Variants in AKAP7 observed in about 807,000 individuals in gnomAD.
AKAP7 encodes the protein A-kinase anchoring protein 7, also known as A kinase (PRKA) anchor protein 7.
Under a neutral mutation model 39.5 loss-of-function variants are expected in AKAP7, and 39 were observed. That is an observed-to-expected ratio of 0.99 (90% CI 0.76 to 1.29). The LOEUF is 1.29. AKAP7 is among the 50% of genes most tolerant of loss of function. The pLI is 0.00. For synonymous variants in AKAP7, 140 were observed against 139.1 expected (o/e 1.01, Z -0.05); for missense variants, 414 against 407.7 (o/e 1.02, Z -0.13).
At chr6:131,142,223 T>C (rs1801102873) in intron 1 of AKAP7, among the ~76,000 whole-genome samples, 1 of 152,174 alleles carries the variant, frequency 6.6e-6, no homozygotes, top group South Asian at 2.1e-4. Flanking sequence ...CAATTCCTAA[T>C]AGCCAAGACA....
chr6:131,158,325 A>G (rs1170788498), intron 2 of AKAP7, among the ~76,000 whole-genome samples: 2 of 152,132 alleles, frequency 1.3e-5, no homozygotes, highest in South Asian at 2.1e-4. Context: ...TCTTTTCACA[A>G]TCCTTCTTAA....
At chr6:131,228,147 C>T (rs1188743525) in intron 7 of AKAP7, among the ~76,000 whole-genome samples, 2 of 152,108 alleles carry the variant, frequency 1.3e-5, no homozygotes, top group African/African-American at 2.4e-5. Context: ...GCATGGGGAT[C>T]TCCTTTATGG....
At chr6:131,152,429 G>T (rs1182454568) in intron 2 of AKAP7, among the ~76,000 whole-genome samples, 1 of 152,200 alleles carries the variant, frequency 6.6e-6, no homozygotes, top group Non-Finnish European at 1.5e-5. Flanking sequence ...TTCAAAGTGA[G>T]AAATAAAATG....
rs953113771 is a variant in AKAP7 at position 131,257,037 on chromosome 6, C to G, written c.851-24493C>G. ...AATGGCTCAGTTTGCACTTTTGGTT[C>G]TGACATTTACCGTTTAACTTCTCTA... is the stretch of plus-strand genomic sequence containing the variant. On this transcript the variant is annotated intron_variant, in intron 7 of 7. Transcript: ENST00000431975. Among the ~76,000 whole-genome samples the G allele has an allele frequency of 5.3e-5, 8 of 152,196 alleles. No individual in the cohort carries two copies. The South Asian group carries it at 1.2e-3, about 24-fold the overall frequency.
At chr6:131,170,925 T>C (rs913004931) in intron 5 of AKAP7, among the ~76,000 whole-genome samples, 14 of 152,252 alleles carry the variant, frequency 9.2e-5, no homozygotes, top group African/African-American at 3.1e-4. Flanking sequence ...ATTTCTGTTA[T>C]GTACTTGAAA....
intron 6 of AKAP7, among the ~76,000 whole-genome samples, chr6:131,213,647 T>C (rs556696425): frequency 6.6e-6 from 1 of 152,284 alleles, no homozygotes; most frequent in Non-Finnish European, 1.5e-5. Context: ...TAGGAATCTT[T>C]CTTGGATGCC....
At chr6:131,227,089 C>T (rs1810233833) in intron 7 of AKAP7, among the ~76,000 whole-genome samples, 1 of 152,020 alleles carries the variant, frequency 6.6e-6, no homozygotes, top group Admixed American at 6.6e-5. Flanking sequence ...TATAATTTTA[C>T]CATTTAATAG....
intron 7 of AKAP7, among the ~76,000 whole-genome samples, chr6:131,270,887 T>C (rs545136919): frequency 6.6e-6 from 1 of 152,296 alleles, no homozygotes; most frequent in East Asian, 1.9e-4. Context: ...TGAAAAAAAC[T>C]TTTCAGTTAT....
chr6:131,201,908 T>C (rs1222454111), intron 6 of AKAP7, among the ~76,000 whole-genome samples: 2 of 152,180 alleles, frequency 1.3e-5, no homozygotes, highest in African/African-American at 2.4e-5. Context: ...GTTGTAGATA[T>C]GCAGCGTTAT....
rs1562852486 is a variant in AKAP7 at position 131,135,514 on chromosome 6, G to GC, written c.-249dup. On this transcript the variant is annotated 5_prime_UTR_variant, in exon 1 of 8. Coordinates refer to ENST00000431975, the MANE Select transcript of AKAP7 (RefSeq NM_016377.4). ...CTGGCATGCGGGTGCTGCGGCTGCT[G>GC]CGGCTGCCGCCGCCGCTGCTGCCGC... is the stretch of plus-strand genomic sequence containing the variant. Among the ~76,000 whole-genome samples, 17 of 149,684 alleles carry GC rather than the reference G, an allele frequency of 1.1e-4. No individual in the cohort carries two copies. Among genetic ancestry groups the GC allele is most frequent in the Non-Finnish European group, 2.3e-4 (15 of 66,660 alleles).
intron 1 of AKAP7, among the ~76,000 whole-genome samples, chr6:131,144,204 C>G (rs1312664760): frequency 6.7e-6 from 1 of 149,692 alleles, no homozygotes; most frequent in Non-Finnish European, 1.5e-5. Context: ...TCAATTTTTT[C>G]CCCACCCTTC....
In AKAP7 at chr6:131,282,922, CAG is replaced by C. The variant is rs1313733576; in HGVS notation, c.*1198_*1199del. The C allele has an allele frequency of 4.8e-6, 1 of 208,396 alleles. No homozygotes were observed. The highest frequency in any genetic ancestry group is 2.3e-5 in the African/African-American group (1 of 43,334). 12.9% of individuals were successfully genotyped at this position (208,396 alleles called of 1,614,324 possible). On this transcript the variant is annotated 3_prime_UTR_variant, in exon 8 of 8. Transcript: ENST00000431975. ...AGACTGTGAACAAATCATTCACAAA[CAG>C]AATAAAACAGAGCCAACAACAGTAT...
chr6:131,214,035 C>T (rs982503178), intron 6 of AKAP7, among the ~76,000 whole-genome samples: 3 of 151,774 alleles, frequency 2.0e-5, no homozygotes, highest in Non-Finnish European at 4.4e-5. Flanking sequence ...GCCAGCACCT[C>T]CTGGAATGAC....
intron 7 of AKAP7, among the ~76,000 whole-genome samples, chr6:131,242,601 A>T (rs1475214095): frequency 6.6e-6 from 1 of 151,982 alleles, no homozygotes; most frequent in Admixed American, 6.6e-5. Flanking sequence ...GTAAACACAG[A>T]ACACTAGCAG....
intron 2 of AKAP7, among the ~76,000 whole-genome samples, chr6:131,153,000 T>G (rs1026986631): frequency 5.9e-5 from 9 of 151,460 alleles, no homozygotes; most frequent in African/African-American, 1.5e-4. Context: ...CATGGTGGCG[T>G]GTGCCTGTAG....
chr6:131,129,401 A>C, the AKAP7 span, among the ~76,000 whole-genome samples: 39 of 152,310 alleles, frequency 2.6e-4, no homozygotes, highest in African/African-American at 7.9e-4. Flanking sequence ...ATGATGCCAT[A>C]ATGTGACATG....
chr6:131,153,238 A>C (rs573968633), intron 2 of AKAP7, among the ~76,000 whole-genome samples: 8 of 152,240 alleles, frequency 5.3e-5, no homozygotes, highest in African/African-American at 1.9e-4. Flanking sequence ...GGTTGGTAAA[A>C]CTGTACTGTA....
chr6:131,201,727 T>G (rs1807586562), intron 6 of AKAP7, among the ~76,000 whole-genome samples: 1 of 152,172 alleles, frequency 6.6e-6, no homozygotes, highest in Non-Finnish European at 1.5e-5. Flanking sequence ...TGGTTTTAGG[T>G]CTAATGTTTA....
chr6:131,160,789 A>C (rs1802869062), intron 3 of AKAP7, among the ~76,000 whole-genome samples: 1 of 152,238 alleles, frequency 6.6e-6, no homozygotes, highest in Admixed American at 6.5e-5. Context: ...TTGCACCATT[A>C]AACTTGGTAA....
Sources: allele counts gnomAD v4.1 joint callset (sites outside exome capture counted in the v4.1 genomes callset), GRCh38; gene constraint gnomAD v4.1.1; transcripts MANE v1.5; gene names NCBI Gene and HGNC (gene_info 2026-07-23, HGNC 2026-07-21).